The following ZC3H12B variants were observed in gnomAD, a reference collection of about 807,000 sequenced individuals.
The protein encoded by ZC3H12B is zinc finger CCCH-type containing 12B, also known as probable ribonuclease ZC3H12B.
ZC3H12B carries 7 observed loss-of-function variants against 43.9 expected under a neutral mutation model. The observed-to-expected ratio is 0.16, with a 90% CI of 0.09 to 0.30. The LOEUF (loss-of-function observed/expected upper bound fraction) is 0.30, where lower values mean the gene tolerates loss of function less well. ZC3H12B is among the 10% of genes least tolerant of loss of function. The pLI, the probability that ZC3H12B is intolerant of heterozygous loss-of-function variation, is 1.00. For missense variants in ZC3H12B, 475 were observed against 670.2 expected, an observed-to-expected ratio of 0.71 and a Z score of 3.22; for synonymous variants, 222 against 241.7, an observed-to-expected ratio of 0.92 and a Z score of 0.76.
At chrX:65,334,893 C>T in the ZC3H12B span, among the ~76,000 whole-genome samples, 1 of 111,725 alleles carries the variant, frequency 9.0e-6, no homozygotes, top group South Asian at 3.8e-4. Flanking sequence ...ACCCAATCAG[C>T]CCATTCTGTA....
At chrX:65,179,418 AG>A in the ZC3H12B span, among the ~76,000 whole-genome samples, 2 of 109,380 alleles carry the variant, frequency 1.8e-5, no homozygotes, top group Non-Finnish European at 1.9e-5. Context: ...AAAAAAAAAA[AG>A]ATCTAAAAAA....
the ZC3H12B span, among the ~76,000 whole-genome samples, chrX:65,204,821 A>G: frequency 2.7e-5 from 3 of 112,083 alleles, no homozygotes; most frequent in Admixed American, 2.9e-4. Flanking sequence ...TTGTGTTTCA[A>G]TGGATTTTCT....
the ZC3H12B span, among the ~76,000 whole-genome samples, chrX:65,129,566 A>C: frequency 1.8e-5 from 2 of 110,795 alleles, no homozygotes; most frequent in Non-Finnish European, 3.8e-5. Flanking sequence ...TAATGTCGTC[A>C]GTTAAGGCAA....
chrX:65,169,619 A>T, the ZC3H12B span, among the ~76,000 whole-genome samples: 2 of 111,486 alleles, frequency 1.8e-5, no homozygotes, highest in Non-Finnish European at 3.8e-5. Context: ...GATCTGTCTA[A>T]TGTTGACAGT....
At chrX:65,441,464 C>T (rs1243958554) in intron 3 of ZC3H12B, among the ~76,000 whole-genome samples, 1 of 111,864 alleles carries the variant, frequency 8.9e-6, no homozygotes. Flanking sequence ...ACCCAATAAG[C>T]TGCTTTGCCT....
chrX:65,037,278 A>G, the ZC3H12B span, among the ~76,000 whole-genome samples: 4 of 111,747 alleles, frequency 3.6e-5, no homozygotes, highest in Non-Finnish European at 7.5e-5. Context: ...TTTTCTGAGA[A>G]AGCTTTGTAG....
At chrX:65,036,662 C>T in the ZC3H12B span, among the ~76,000 whole-genome samples, 1 of 111,005 alleles carries the variant, frequency 9.0e-6, no homozygotes, top group Non-Finnish European at 1.9e-5. Flanking sequence ...TTGTTTTGTG[C>T]ATTAGCAAGC....
the ZC3H12B span, among the ~76,000 whole-genome samples, chrX:65,359,553 A>G: frequency 4.5e-5 from 5 of 112,024 alleles, no homozygotes; most frequent in Admixed American, 4.7e-4. Flanking sequence ...TCACTGGAAA[A>G]AATAACTGCA....
chrX:65,351,121 G>A, the ZC3H12B span, among the ~76,000 whole-genome samples: 8 of 111,662 alleles, frequency 7.2e-5, no homozygotes, highest in East Asian at 2.2e-3. Flanking sequence ...TACCAAAACA[G>A]ATATATAGAC....
chrX:65,054,571 C>G, the ZC3H12B span, among the ~76,000 whole-genome samples: 1 of 111,661 alleles, frequency 9.0e-6, no homozygotes, highest in East Asian at 2.8e-4. Context: ...GCAATGCGGG[C>G]TCTTTTTTGG....
At chrX:65,484,257 G>T (rs1053997761), upstream of ZC3H12B, among the ~76,000 whole-genome samples, 1 of 111,050 alleles carries the variant, frequency 9.0e-6, no homozygotes, top group Non-Finnish European at 1.9e-5. Context: ...TGGGTACTGG[G>T]CTTAATACCT....
the ZC3H12B span, among the ~76,000 whole-genome samples, chrX:65,319,605 C>A: frequency 9.0e-6 from 1 of 111,210 alleles, no homozygotes; most frequent in Non-Finnish European, 1.9e-5. Flanking sequence ...CAAAACCTGG[C>A]AGAGACACAC....
the ZC3H12B span, among the ~76,000 whole-genome samples, chrX:65,154,396 G>A: frequency 1.8e-5 from 2 of 111,677 alleles, no homozygotes; most frequent in African/African-American, 6.5e-5. Context: ...AGATTGAGAA[G>A]TGTGTTACAG....
At chrX:65,291,024 A>G in the ZC3H12B span, among the ~76,000 whole-genome samples, 1 of 111,669 alleles carries the variant, frequency 9.0e-6, no homozygotes, top group African/African-American at 3.2e-5. Context: ...TATGCCTTAA[A>G]TACATGTAAA....
At chrX:65,279,159 G>A in the ZC3H12B span, among the ~76,000 whole-genome samples, 2 of 110,661 alleles carry the variant, frequency 1.8e-5, no homozygotes, top group African/African-American at 6.6e-5. Flanking sequence ...CTCAGTAATG[G>A]GATTGCTGGG....
At chrX:65,100,351 A>G in the ZC3H12B span, among the ~76,000 whole-genome samples, 11 of 108,584 alleles carry the variant, frequency 1.0e-4, no homozygotes, top group Non-Finnish European at 1.7e-4. Flanking sequence ...ACCTAGCAAG[A>G]CAGGCCAACA....
At chrX:65,165,064 T>C in the ZC3H12B span, among the ~76,000 whole-genome samples, 96 of 111,777 alleles carry the variant, frequency 8.6e-4, no homozygotes, top group African/African-American at 2.9e-3. Flanking sequence ...TATATTTCGA[T>C]GTTACAACAG....
At chrX:65,055,271 A>G in the ZC3H12B span, among the ~76,000 whole-genome samples, 1 of 111,587 alleles carries the variant, frequency 9.0e-6, no homozygotes, top group African/African-American at 3.3e-5. Flanking sequence ...TCAATACCAA[A>G]TTTATTGAGA....
the ZC3H12B span, among the ~76,000 whole-genome samples, chrX:65,281,060 A>G: frequency 9.0e-6 from 1 of 111,189 alleles, no homozygotes; most frequent in Non-Finnish European, 1.9e-5. Flanking sequence ...ACAAATAGCC[A>G]AAGTAATTCT....
Sources: allele counts gnomAD v4.1 joint callset (sites outside exome capture counted in the v4.1 genomes callset), GRCh38; gene constraint gnomAD v4.1.1; transcripts MANE v1.5; gene names NCBI Gene and HGNC (gene_info 2026-07-23, HGNC 2026-07-21).